ADAP2: variants seen among roughly 807,000 people sequenced by gnomAD.
ADAP2 encodes ArfGAP with dual PH domains 2, also known as arf-GAP with dual PH domain-containing protein 2.
A neutral mutation model predicts 54.9 loss-of-function variants in ADAP2; 42 were observed. That is an observed-to-expected ratio of 0.77 (90% CI 0.60 to 0.99). The LOEUF (loss-of-function observed/expected upper bound fraction) is 0.99. ADAP2 is among the 50% of genes least tolerant of loss of function. The pLI is 0.00. For missense variants in ADAP2, 429 were observed against 480.4 expected (o/e 0.89, Z 1.00); for synonymous variants, 177 against 180.1 (o/e 0.98, Z 0.14).
At chr17:30,926,709 TG>T in intron 2 of ADAP2, 117 bp from the exon 3 acceptor site, 1 of 832,678 alleles carries the variant, frequency 1.2e-6, no homozygotes, top group Non-Finnish European at 2.0e-6. Context: ...CCAAGCCCGG[TG>T]GGACATCTCC....
chr17:30,936,003 A>G (rs1911843951), intron 5 of ADAP2, among the ~76,000 whole-genome samples: 1 of 152,174 alleles, frequency 6.6e-6, no homozygotes, highest in Admixed American at 6.5e-5. Flanking sequence ...TAGCACAACT[A>G]TCACCACAAT....
At chr17:30,922,852 C>A in intron 1 of ADAP2, 88 bp from the exon 2 acceptor site, 1 of 1,455,812 alleles carries the variant, frequency 6.9e-7, no homozygotes, top group Non-Finnish European at 9.3e-7. Flanking sequence ...GGAGAAGGGG[C>A]GCCCCACCTG....
intron 8 of ADAP2, 44 bp downstream of exon 8, chr17:30,953,394 A>G (rs1188156893): frequency 6.3e-7 from 1 of 1,581,478 alleles, no homozygotes; most frequent in Non-Finnish European, 8.7e-7. Context: ...GGTTTAATGT[A>G]TATAGAAGGT....
intron 2 of ADAP2, among the ~76,000 whole-genome samples, chr17:30,924,531 G>A (rs1325852495): frequency 6.6e-6 from 1 of 152,148 alleles, no homozygotes; most frequent in African/African-American, 2.4e-5. Flanking sequence ...CAGCCTGCAT[G>A]GTAATTCCAT....
chr17:30,954,237 G>A, intron 8 of ADAP2: 1 of 404,090 alleles, frequency 2.5e-6, no homozygotes, highest in Non-Finnish European at 4.5e-6. Flanking sequence ...TCCAAGTTGA[G>A]GCAGCAGGGT....
chr17:30,937,876 C>A (rs1912001908), intron 5 of ADAP2, among the ~76,000 whole-genome samples: 1 of 152,162 alleles, frequency 6.6e-6, no homozygotes, highest in African/African-American at 2.4e-5. Flanking sequence ...TTTGAGATGC[C>A]TATGAGTCAT....
At chr17:30,956,783 C>T (rs943579976) in intron 10 of ADAP2, 2 of 394,390 alleles carry the variant, frequency 5.1e-6, no homozygotes, top group African/African-American at 4.1e-5. Flanking sequence ...TTTCCCTCCA[C>T]CGTGCTCTAT....
rs757688543 is a variant in ADAP2 at position 30,956,435 on chromosome 17, C to G, written c.1077C>G (p.Val359=). 1 of 1,614,160 alleles carries G rather than the reference C, an allele frequency of 6.2e-7. No homozygotes were observed. Among genetic ancestry groups the G allele is most frequent in the Non-Finnish European group, 8.5e-7 (1 of 1,180,034 alleles). The change falls in exon 10 of 11, where the codon GTC becomes GTG. Residue 359 remains valine (V), a synonymous_variant. Coordinates refer to ENST00000330889, the MANE Select transcript of ADAP2 (RefSeq NM_018404.3). ...QQEWLESLRG[V]LSSPLTPLNR... ...AATGGCTGGAAAGTTTGCGGGGTGT[C>G]CTGTCCAGCCCCTTGACGCCCCTCA...
chr17:30,950,352 G>A (rs904817977), intron 7 of ADAP2, among the ~76,000 whole-genome samples: 2 of 152,184 alleles, frequency 1.3e-5, no homozygotes, highest in African/African-American at 2.4e-5. Context: ...GTAGGGCAGA[G>A]GATGCTGTCT....
chr17:30,957,804 C>T (rs760342472), intron 10 of ADAP2, 31 bp from the exon 11 acceptor site: 11 of 1,612,968 alleles, frequency 6.8e-6, no homozygotes, highest in African/African-American at 1.3e-5. Flanking sequence ...GGCATGGCCA[C>T]CTCCCTCAGC....
rs1291117390 is a variant in ADAP2, at chr17:30,944,990, G to T, written c.594G>T (p.Leu198=). 8.1e-6 allele frequency: 13 copies of T among 1,613,984 alleles called. No homozygotes were observed. In the East Asian group the frequency reaches 2.9e-4, roughly 36 times the overall value. Residue 198 remains leucine, a synonymous_variant, in exon 6 of 11, where the codon CTG becomes CTT. Transcript: ENST00000330889. ...AGAAGATAGGGCACCCCCATGGGCT[G>T]CAGATCACCTACAGGAGAGATGGCC... ...QTEKIGHPHG[L]QITYRRDGHT...
At chr17:30,924,645 A>G (rs1910890155) in intron 2 of ADAP2, among the ~76,000 whole-genome samples, 1 of 151,946 alleles carries the variant, frequency 6.6e-6, no homozygotes, top group Non-Finnish European at 1.5e-5. Context: ...CTGAATGCCT[A>G]CTCTGTGCCA....
intron 6 of ADAP2, 96 bp downstream of exon 6, chr17:30,945,149 C>T (rs1912573594): frequency 7.2e-7 from 1 of 1,397,472 alleles, no homozygotes; most frequent in African/African-American, 1.4e-5. Flanking sequence ...GTGCTGTGCT[C>T]AGCTGCCTCT....
intron 6 of ADAP2, among the ~76,000 whole-genome samples, chr17:30,947,928 C>T (rs1912796091): frequency 6.6e-6 from 1 of 152,094 alleles, no homozygotes; most frequent in South Asian, 2.1e-4. Flanking sequence ...TGTGGTTAAG[C>T]AGGGGCAGGA....
At chr17:30,929,019 C>G in intron 3 of ADAP2, among the ~76,000 whole-genome samples, 1 of 152,216 alleles carries the variant, frequency 6.6e-6, no homozygotes, top group African/African-American at 2.4e-5. Flanking sequence ...TATAACCATA[C>G]CTAGTGGTCT....
chr17:30,944,836 G>A, intron 5 of ADAP2, 71 bp from the exon 6 acceptor site: 4 of 1,447,706 alleles, frequency 2.8e-6, no homozygotes, highest in South Asian at 2.5e-5. Context: ...TTGCATGAAG[G>A]CCTTGGTGAA....
chr17:30,933,450 G>A (rs941855367), intron 4 of ADAP2, among the ~76,000 whole-genome samples: 2 of 151,936 alleles, frequency 1.3e-5, no homozygotes, highest in African/African-American at 4.8e-5. Context: ...GGCTTCCCAA[G>A]GTGTCAAGAT....
At chr17:30,937,199 C>T (rs1248523108) in intron 5 of ADAP2, among the ~76,000 whole-genome samples, 1 of 151,702 alleles carries the variant, frequency 6.6e-6, no homozygotes, top group Non-Finnish European at 1.5e-5. Context: ...GCTGGGATTA[C>T]AGGCGTGAGC....
chr17:30,946,825 T>A (rs1456493874), intron 6 of ADAP2, among the ~76,000 whole-genome samples: 2 of 152,210 alleles, frequency 1.3e-5, no homozygotes, highest in Non-Finnish European at 2.9e-5. Flanking sequence ...ACCTGCCATG[T>A]GCCTCTGCTG....
Sources: gnomAD v4.1 joint callset for allele counts (sites outside exome capture counted in the v4.1 genomes callset) on GRCh38, gnomAD v4.1.1 for gene constraint, MANE v1.5 for transcripts, NCBI Gene and HGNC (gene_info 2026-07-23, HGNC 2026-07-21) for gene names.